ITSN1: variants seen among roughly 807,000 people sequenced by gnomAD.
The protein encoded by ITSN1 is intersectin 1.
In ITSN1, 58 loss-of-function variants were observed where a neutral mutation model predicts 239.8. The observed-to-expected ratio is 0.24, with a 90% CI of 0.20 to 0.30. The LOEUF is 0.30. Ranked by LOEUF, ITSN1 falls within the 10% of genes least tolerant of loss-of-function variation. The pLI, the probability that ITSN1 is intolerant of heterozygous loss-of-function variation, is 1.00. For missense variants in ITSN1, 1,558 were observed against 2,103.3 expected (o/e 0.74, Z 5.07); for synonymous variants, 780 against 770.8 (o/e 1.01, Z -0.20).
intron 11 of ITSN1, among the ~76,000 whole-genome samples, chr21:33,770,757 A>C (rs1268657750): frequency 3.5e-5 from 5 of 144,632 alleles, no homozygotes; most frequent in Admixed American, 1.4e-4. Flanking sequence ...TGGGAGGGGG[A>C]CTTTGAATTT....
chr21:33,800,961 G>A (rs1047651877), intron 19 of ITSN1, among the ~76,000 whole-genome samples: 17 of 138,248 alleles, frequency 1.2e-4, no homozygotes, highest in African/African-American at 4.0e-4. Flanking sequence ...TGCCTCCCGG[G>A]CTCAAGCAAA....
At chr21:33,874,986 T>C (rs377269685) in intron 33 of ITSN1, among the ~76,000 whole-genome samples, 1 of 152,146 alleles carries the variant, frequency 6.6e-6, no homozygotes, top group East Asian at 1.9e-4. Flanking sequence ...AAGGGCCCCA[T>C]GGTTATATGT....
At chr21:33,763,619 AT>A (rs71918269) in intron 9 of ITSN1, among the ~76,000 whole-genome samples, 3,118 of 147,342 alleles carry the variant, frequency 0.021, 62 homozygotes, top group African/African-American at 0.057. Flanking sequence ...ATCAGATTTG[AT>A]TTTTTTTTTT....
At chr21:33,743,949 G>T (rs1197618681) in intron 5 of ITSN1, among the ~76,000 whole-genome samples, 1 of 152,322 alleles carries the variant, frequency 6.6e-6, no homozygotes, top group Non-Finnish European at 1.5e-5. Flanking sequence ...AGGCTTCGGG[G>T]TATATTAACA....
In ITSN1 at chr21:33,772,042, C is replaced by T. The variant is rs779607156; in HGVS notation, c.1043-19C>T. On this transcript the variant is annotated intron_variant, in intron 11 of 39. Coordinates refer to ENST00000381318, the MANE Select transcript of ITSN1 (RefSeq NM_003024.3). Reference sequence around the variant, plus strand: ...TGAAAATCTTGAGTTTTCATAGTTGCTGTGTTCCTTGTCTGAAGTAACGTT... The same window carrying T: ...TGAAAATCTTGAGTTTTCATAGTTGTTGTGTTCCTTGTCTGAAGTAACGTT... The T allele has an allele frequency of 3.7e-6, 6 of 1,610,756 alleles. No individual in the cohort carries two copies. Among genetic ancestry groups the T allele is most frequent in the Admixed American group, 1.7e-5 (1 of 59,596 alleles).
chr21:33,697,165 C>T (rs544601807), intron 1 of ITSN1, among the ~76,000 whole-genome samples: 2 of 151,068 alleles, frequency 1.3e-5, no homozygotes, highest in South Asian at 2.1e-4. Context: ...TCACTGCAAC[C>T]TCTAGCTCCC....
intron 34 of ITSN1, among the ~76,000 whole-genome samples, chr21:33,881,207 A>G (rs1984846381): frequency 6.6e-6 from 1 of 152,036 alleles, no homozygotes; most frequent in Admixed American, 6.5e-5. Context: ...GGAGATTGAG[A>G]CCATCCTGGC....
At position 33,893,472 on chromosome 21, in the gene ITSN1, C is replaced by T. The variant is rs1244239925; in HGVS notation, c.*5172C>T. ...AGGGGTGGTGGCAGGCACCTGTAAT[C>T]CCAGCTACTCAGGAGGCTGAGGCAG... On this transcript the variant is annotated 3_prime_UTR_variant, in exon 40 of 40. Coordinates refer to ENST00000381318, the MANE Select transcript of ITSN1 (RefSeq NM_003024.3). 1 of 152,184 alleles carries T rather than the reference C, an allele frequency of 6.6e-6. No homozygotes were observed. Among genetic ancestry groups the T allele is most frequent in the Non-Finnish European group, 1.5e-5 (1 of 68,084 alleles). 9.4% of individuals were successfully genotyped at this position (152,184 alleles called of 1,614,324 possible).
chr21:33,668,292 G>C (rs2090049974), intron 1 of ITSN1, among the ~76,000 whole-genome samples: 1 of 152,186 alleles, frequency 6.6e-6, no homozygotes, highest in African/African-American at 2.4e-5. Flanking sequence ...TCATATTATT[G>C]AAACGCAATT....
At chr21:33,844,816 C>T (rs1182852736) in intron 29 of ITSN1, among the ~76,000 whole-genome samples, 6 of 152,056 alleles carry the variant, frequency 3.9e-5, no homozygotes, top group Non-Finnish European at 8.8e-5. Flanking sequence ...CCCACACGGC[C>T]GAATCCTCAG....
chr21:33,839,451 G>C (rs2074750360), intron 29 of ITSN1, among the ~76,000 whole-genome samples: 2 of 152,130 alleles, frequency 1.3e-5, no homozygotes, highest in African/African-American at 4.8e-5. Flanking sequence ...TGGGGGAAGA[G>C]GTGTGGCTAT....
chr21:33,652,014 A>G (rs562783268), intron 1 of ITSN1, among the ~76,000 whole-genome samples: 40 of 152,310 alleles, frequency 2.6e-4, no homozygotes, highest in Admixed American at 5.2e-4. Flanking sequence ...ATTGAAGAAA[A>G]CTTTTGGAAA....
At chr21:33,820,144 A>G (rs1417671956) in intron 24 of ITSN1, among the ~76,000 whole-genome samples, 5 of 152,230 alleles carry the variant, frequency 3.3e-5, no homozygotes, top group African/African-American at 1.2e-4. Flanking sequence ...ACTAAAAAAA[A>G]AAAAATCATT....
At chr21:33,806,177 C>T (rs1027218053) in intron 20 of ITSN1, among the ~76,000 whole-genome samples, 5 of 126,622 alleles carry the variant, frequency 3.9e-5, no homozygotes, top group African/African-American at 1.3e-4. Flanking sequence ...CGCCACTGCA[C>T]TCCAGCCTGG....
At position 33,837,823 on chromosome 21, in the gene ITSN1, T is replaced by C. The variant is rs182511556; in HGVS notation, c.3661+1191T>C. On this transcript the variant is annotated intron_variant, in intron 29 of 39. Coordinates refer to ENST00000381318, the MANE Select transcript of ITSN1 (RefSeq NM_003024.3). The stretch of plus-strand genomic sequence containing the variant: ...GATTTATCTGGTTGAGTTGGTGTTT[T>C]GTTTGGGGTTTTTAATTTTGCGTGT... 133 of 985,892 alleles carry C rather than the reference T, an allele frequency of 1.3e-4. No individual in the cohort carries two copies. In the African/African-American group the frequency reaches 2.1e-3, roughly 16 times the overall value. 61.1% of individuals were successfully genotyped at this position (985,892 alleles called of 1,614,324 possible).
chr21:33,743,599 C>A (rs1361736459), intron 5 of ITSN1, among the ~76,000 whole-genome samples: 1 of 152,078 alleles, frequency 6.6e-6, no homozygotes, highest in Non-Finnish European at 1.5e-5. Context: ...TGGAATAGAA[C>A]AAATGATAAA....
chr21:33,650,952 C>A (rs886820132), intron 1 of ITSN1, among the ~76,000 whole-genome samples: 7 of 152,212 alleles, frequency 4.6e-5, no homozygotes, highest in Admixed American at 4.6e-4. Context: ...TTTTAATATT[C>A]TTTAAATGAT....
chr21:33,757,511 G>A (rs969442277), intron 8 of ITSN1, among the ~76,000 whole-genome samples: 3 of 152,004 alleles, frequency 2.0e-5, no homozygotes, highest in African/African-American at 7.3e-5. Context: ...ATTTATTACA[G>A]TAAATTTTAA....
At chr21:33,813,003 C>CTA (rs2073016051) in intron 21 of ITSN1, among the ~76,000 whole-genome samples, 1 of 151,742 alleles carries the variant, frequency 6.6e-6, no homozygotes, top group Admixed American at 6.6e-5. Context: ...TCTCATTTAA[C>CTA]TATTGTTATT....
Sources: allele counts gnomAD v4.1 joint callset (sites outside exome capture counted in the v4.1 genomes callset), GRCh38; gene constraint gnomAD v4.1.1; transcripts MANE v1.5; gene names NCBI Gene and HGNC (gene_info 2026-07-23, HGNC 2026-07-21).